The following ARAP1 variants were observed in gnomAD, a reference collection of about 807,000 sequenced individuals.
ARAP1 encodes ArfGAP with RhoGAP domain, ankyrin repeat and PH domain 1.
In ARAP1, 76 loss-of-function variants were observed where a neutral mutation model predicts 172.2. The observed-to-expected ratio is 0.44, with a 90% CI of 0.37 to 0.53. The LOEUF (loss-of-function observed/expected upper bound fraction) is 0.53. Among genes scored for constraint, ARAP1 ranks in the 20% least tolerant of loss-of-function variants. The pLI is 0.00. For missense variants in ARAP1, 1,686 were observed against 1,977.5 expected, an observed-to-expected ratio of 0.85 and a Z score of 2.80; for synonymous variants, 804 against 803.3, an observed-to-expected ratio of 1.00 and a Z score of -0.01.
intron 2 of ARAP1, among the ~76,000 whole-genome samples, chr11:72,731,429 C>A (rs753063559): frequency 2.0e-4 from 31 of 152,232 alleles, no homozygotes; most frequent in Non-Finnish European, 8.8e-5. Flanking sequence ...GTTAAAAGAG[C>A]CCGGCTTCTC....
chr11:72,717,616 C>T (rs1857338039), intron 3 of ARAP1, among the ~76,000 whole-genome samples: 1 of 152,206 alleles, frequency 6.6e-6, no homozygotes, highest in African/African-American at 2.4e-5. Flanking sequence ...CCACACCCTC[C>T]TTCCTCATTG....
At chr11:72,691,218 C>CGAAG (rs1855919612) in intron 30 of ARAP1, among the ~76,000 whole-genome samples, 1 of 152,238 alleles carries the variant, frequency 6.6e-6, no homozygotes, top group East Asian at 1.9e-4. Context: ...CAGCCCTCTT[C>CGAAG]CTCAGAGAAC....
intron 1 of ARAP1, among the ~76,000 whole-genome samples, chr11:72,739,494 G>A (rs541763038): frequency 2.6e-5 from 4 of 151,908 alleles, no homozygotes; most frequent in East Asian, 3.9e-4. Context: ...AATGTCCCTC[G>A]GCTCCAGGCC....
intron 5 of ARAP1, chr11:72,712,940 C>T (rs1857096675): frequency 3.3e-6 from 2 of 602,028 alleles, no homozygotes; most frequent in South Asian, 4.1e-5. Context: ...GGCCACATGC[C>T]CACCCACATA....
intron 18 of ARAP1, among the ~76,000 whole-genome samples, 195 bp from the exon 19 acceptor site, chr11:72,698,301 T>G (rs1856312744): frequency 6.6e-6 from 1 of 152,204 alleles, no homozygotes; most frequent in Non-Finnish European, 1.5e-5. Flanking sequence ...TGTGCCCGCC[T>G]CTGGAAAGCC....
At position 72,725,304 on chromosome 11, in the gene ARAP1, C is replaced by G. The variant is rs1466135371; in HGVS notation, c.509+1316G>C. Among the ~76,000 whole-genome samples, 1 of 150,928 alleles carries G rather than the reference C, an allele frequency of 6.6e-6. No individual in the cohort carries two copies. The highest frequency in any genetic ancestry group is 2.4e-5 in the African/African-American group (1 of 41,280). On this transcript the variant is annotated intron_variant, in intron 3 of 34. Transcript: ENST00000393609. The surrounding 1 kb of genome is among the most constrained non-coding windows in gnomAD (Gnocchi z 4.3). ...CTCTTCTCTCTTCTAACCTCTCTCTCTCTCTCTCTCTCTCTTTTTCTCTCT... is the reference window on the plus strand; with the variant it reads ...CTCTTCTCTCTTCTAACCTCTCTCTGTCTCTCTCTCTCTCTTTTTCTCTCT...
chr11:72,736,483 G>C (rs983044805), intron 1 of ARAP1, among the ~76,000 whole-genome samples: 1 of 151,970 alleles, frequency 6.6e-6, no homozygotes, highest in Non-Finnish European at 1.5e-5. Flanking sequence ...CCTAATCCAA[G>C]CCCTAGTTTG....
rs1565227751 is a variant in ARAP1, at chr11:72,725,627, C to T, written c.509+993G>A. Reference sequence around the variant, plus strand: ...TCCCAGACCCTCCCCACAAGGCCCCCTGAGTATGTCCTTGGCATGGATCCA... The same window carrying T: ...TCCCAGACCCTCCCCACAAGGCCCCTTGAGTATGTCCTTGGCATGGATCCA... On this transcript the variant is annotated intron_variant, in intron 3 of 34. Coordinates refer to ENST00000393609, the MANE Select transcript of ARAP1 (RefSeq NM_001040118.3). This position sits in a 1 kb window ranked among gnomAD's most constrained non-coding sequence, Gnocchi z 4.3. Among the ~76,000 whole-genome samples, 2 of 152,000 alleles carry T rather than the reference C, an allele frequency of 1.3e-5. No homozygotes were observed. The highest frequency in any genetic ancestry group is 4.8e-5 in the African/African-American group (2 of 41,354).
rs557694101 is a variant in ARAP1, at chr11:72,726,622, C to A, written c.507G>T (p.Val169=). Residue 169 remains valine (V), a splice_region_variant and synonymous_variant, in exon 3 of 35, where the codon GTG becomes GTT. Transcript: ENST00000393609. The surrounding 1 kb of genome is among the most constrained non-coding windows in gnomAD (Gnocchi z 6.5). ...PPRTGPPRLL[V]SLPTKEEESL... The stretch of plus-strand genomic sequence containing the variant: ...CACCCTGGGTGGCATCCACTCACCT[C>A]ACCAGCAGGCGGGGGGGTCCGGTGC... The A allele has an allele frequency of 1.3e-6, 2 of 1,507,042 alleles. No individual in the cohort carries two copies. The highest frequency in any genetic ancestry group is 1.8e-6 in the Non-Finnish European group (2 of 1,126,552). The allele number at this position is 1,507,042 out of a possible 1,614,324, so 93.4% of individuals were successfully genotyped here. A position where few individuals can be genotyped will look rare whatever the true frequency, so the allele number is the denominator to read the frequency against.
Position 72,695,509 on chromosome 11 carries a change from G to A in ARAP1, c.3507+33C>T, listed in dbSNP as rs1043611030. On this transcript the variant is annotated intron_variant, in intron 25 of 34. Coordinates refer to ENST00000393609, the MANE Select transcript of ARAP1 (RefSeq NM_001040118.3). This position sits in a 1 kb window ranked among gnomAD's most constrained non-coding sequence, Gnocchi z 4.4. Reference sequence around the variant, plus strand: ...CCTAGGAAATGGGTGCAGGTGGCAGGTCCAAGCCCCCCACCCAGGCTCCAG... The same window carrying A: ...CCTAGGAAATGGGTGCAGGTGGCAGATCCAAGCCCCCCACCCAGGCTCCAG... The A allele has an allele frequency of 8.7e-6, 14 of 1,614,014 alleles. No homozygotes were observed. The highest frequency in any genetic ancestry group is 1.6e-4 in the Middle Eastern group (1 of 6,084).
intron 3 of ARAP1, 57 bp from the exon 4 acceptor site, chr11:72,714,378 A>G (rs1186174833): frequency 2.7e-6 from 4 of 1,504,136 alleles, no homozygotes; most frequent in African/African-American, 2.8e-5. Flanking sequence ...ACTGAAACAT[A>G]CTGAGCCCCC....
rs1856309001 is a variant in ARAP1, at chr11:72,698,225, C to A, written c.2542-119G>T. 3.2e-6 allele frequency: 4 copies of A among 1,237,678 alleles called. No homozygotes were observed. In the South Asian group the frequency reaches 6.3e-5, roughly 20 times the overall value. The allele number at this position is 1,237,678 out of a possible 1,614,324, so 76.7% of individuals were successfully genotyped here. A position where few individuals can be genotyped will look rare whatever the true frequency, so the allele number is the denominator to read the frequency against. On this transcript the variant is annotated intron_variant, in intron 18 of 34. Coordinates refer to ENST00000393609, the MANE Select transcript of ARAP1 (RefSeq NM_001040118.3). ...CCACCCAGCTGCCTTCTCTTCTCTT[C>A]CCCAAGGCAGAACCAAGCCCAGTGA...
Position 72,685,300 on chromosome 11 carries a change from G to GTA in ARAP1, c.*363_*364insTA. ...CTGGAGTTTGTTGGGAGGAGCAGGG[G>GTA]GCTCCCTTCCGGCAGGGCCCCAGGG... On this transcript the variant is annotated 3_prime_UTR_variant, in exon 35 of 35. Coordinates refer to ENST00000393609, the MANE Select transcript of ARAP1 (RefSeq NM_001040118.3). 3.2e-6 allele frequency: 1 copy of GTA among 314,950 alleles called. No homozygotes were observed. Among genetic ancestry groups the GTA allele is most frequent in the Non-Finnish European group, 6.0e-6 (1 of 166,330 alleles). 19.5% of individuals were successfully genotyped at this position (314,950 alleles called of 1,614,324 possible). A position where few individuals can be genotyped will look rare whatever the true frequency, so the allele number is the denominator to read the frequency against.
At chr11:72,703,148 G>C in intron 14 of ARAP1, 69 bp from the exon 15 acceptor site, 1 of 1,416,808 alleles carries the variant, frequency 7.1e-7, no homozygotes, top group Non-Finnish European at 9.3e-7. Context: ...GGCTACGGGG[G>C]AGGAGAGGAA....
intron 1 of ARAP1, among the ~76,000 whole-genome samples, chr11:72,748,795 T>A (rs374867827): frequency 2.9e-4 from 44 of 152,196 alleles, no homozygotes; most frequent in African/African-American, 9.9e-4. Flanking sequence ...GGAATGCACA[T>A]ACAGTCTGGG....
At chr11:72,692,585 A>G (rs12274836) in intron 30 of ARAP1, among the ~76,000 whole-genome samples, 168 bp downstream of exon 30, 2,803 of 152,302 alleles carry the variant, frequency 0.018, 86 homozygotes, top group African/African-American at 0.065. Context: ...TTAGGGATAA[A>G]GGGGAGGAGC....
chr11:72,686,261 A>C, intron 33 of ARAP1, 70 bp from the exon 34 acceptor site: 1 of 1,537,772 alleles, frequency 6.5e-7, no homozygotes. Flanking sequence ...AGATCTGCCC[A>C]CCCTTCCCAG....
At chr11:72,739,047 G>A (rs1378221906) in intron 1 of ARAP1, among the ~76,000 whole-genome samples, 1 of 152,170 alleles carries the variant, frequency 6.6e-6, no homozygotes, top group African/African-American at 2.4e-5. Context: ...CCGCAGATAT[G>A]AGGAACTAGT....
intron 1 of ARAP1, among the ~76,000 whole-genome samples, chr11:72,742,299 T>C (rs1330581800): frequency 6.6e-6 from 1 of 152,192 alleles, no homozygotes; most frequent in Non-Finnish European, 1.5e-5. Flanking sequence ...AGGTCGTGTT[T>C]ATGCAGTGCT....
Sources: allele counts gnomAD v4.1 joint callset (sites outside exome capture counted in the v4.1 genomes callset), GRCh38; gene constraint gnomAD v4.1.1; non-coding constraint Gnocchi (gnomAD v3.1); transcripts MANE v1.5; gene names NCBI Gene and HGNC (gene_info 2026-07-23, HGNC 2026-07-21).